The following ATP13A3 variants were observed in gnomAD, a reference collection of about 807,000 sequenced individuals.
The protein encoded by ATP13A3 is ATPase 13A3, also known as polyamine-transporting ATPase 13A3.
A neutral mutation model predicts 158.1 loss-of-function variants in ATP13A3; 59 were observed. That is an observed-to-expected ratio of 0.37 (90% CI 0.30 to 0.46). The LOEUF (loss-of-function observed/expected upper bound fraction) is 0.46, where lower values mean the gene tolerates loss of function less well. ATP13A3 is among the 20% of genes least tolerant of loss of function. The pLI, the probability that ATP13A3 is intolerant of heterozygous loss-of-function variation, is 1.00. For synonymous variants in ATP13A3, 491 were observed against 504.3 expected (o/e 0.97, Z 0.35); for missense variants, 1,166 against 1,525.2 (o/e 0.76, Z 3.92).
chr3:194,415,900 G>T (rs1274456754), intron 31 of ATP13A3, among the ~76,000 whole-genome samples: 9 of 151,974 alleles, frequency 5.9e-5, no homozygotes, highest in Non-Finnish European at 1.3e-4. Context: ...CACAAACTTT[G>T]TAAGTTTAAG....
intron 3 of ATP13A3, 82 bp downstream of exon 3, chr3:194,462,058 T>A: frequency 7.2e-7 from 1 of 1,383,172 alleles, no homozygotes; most frequent in Non-Finnish European, 1.0e-6. Flanking sequence ...CTGTTGTTAA[T>A]TGCATTTTTC....
intron 2 of ATP13A3, among the ~76,000 whole-genome samples, chr3:194,474,807 C>G (rs1720453498): frequency 6.6e-6 from 1 of 152,190 alleles, no homozygotes; most frequent in South Asian, 2.1e-4. Flanking sequence ...TACAACCTTA[C>G]AGCTGCTGCC....
At position 194,419,971 on chromosome 3, in the gene ATP13A3, G is replaced by A. The variant is rs568067775; in HGVS notation, c.3314-4C>T. The A allele has an allele frequency of 1.3e-6, 2 of 1,519,978 alleles. No individual in the cohort carries two copies. Among genetic ancestry groups the A allele is most frequent in the Non-Finnish European group, 1.7e-6 (2 of 1,144,636 alleles). The allele number at this position is 1,519,978 out of a possible 1,614,324, so 94.2% of individuals were successfully genotyped here. A position where few individuals can be genotyped will look rare whatever the true frequency, so the allele number is the denominator to read the frequency against. Reference sequence around the variant, plus strand: ...ATCACAGAAAAAACAAAAAAATCTGGAAAAGACAGCAAAAGTAAAACAAGT... The same window carrying A: ...ATCACAGAAAAAACAAAAAAATCTGAAAAAGACAGCAAAAGTAAAACAAGT... On this transcript the variant is annotated splice_polypyrimidine_tract_variant and splice_region_variant and intron_variant, in intron 30 of 33. Coordinates refer to ENST00000645319, the MANE Select transcript of ATP13A3 (RefSeq NM_001367549.1).
rs1011914763 is a variant in ATP13A3 at position 194,403,024 on chromosome 3, C to T, written c.*2895G>A. ...TTTGTTAAAAGTTCCCAACCACCTC[C>T]CACCATAAATATACAAAAACCTATT... On this transcript the variant is annotated 3_prime_UTR_variant, in exon 34 of 34. Transcript: ENST00000645319. 1 of 152,132 alleles carries T rather than the reference C, an allele frequency of 6.6e-6. No homozygotes were observed. The highest frequency in any genetic ancestry group is 2.4e-5 in the African/African-American group (1 of 41,414). The allele number at this position is 152,132 out of a possible 1,614,324, so 9.4% of individuals were successfully genotyped here. A position where few individuals can be genotyped will look rare whatever the true frequency, so the allele number is the denominator to read the frequency against.
At chr3:194,482,874 G>T (rs935675786) in intron 2 of ATP13A3, among the ~76,000 whole-genome samples, 1 of 152,126 alleles carries the variant, frequency 6.6e-6, no homozygotes, top group Non-Finnish European at 1.5e-5. Context: ...CTGGAAGGCC[G>T]AGGCAGGCGG....
Position 194,494,313 on chromosome 3 carries a change from T to G in ATP13A3, n.516-33A>C, listed in dbSNP as rs1721180655. On this transcript the variant is annotated intron_variant and non_coding_transcript_variant, in intron 1 of 32. Transcript: ENST00000687055. This position sits in a 1 kb window ranked among gnomAD's most constrained non-coding sequence, Gnocchi z 4.2. Reference sequence around the variant, plus strand: ...AGTGGAGAACAAGTTAACATTGATTTTCACAACCACGATGTCAGACTAGCA... The same window carrying G: ...AGTGGAGAACAAGTTAACATTGATTGTCACAACCACGATGTCAGACTAGCA... 2.5e-6 allele frequency: 1 copy of G among 398,490 alleles called. No individual in the cohort carries two copies. Among genetic ancestry groups the G allele is most frequent in the Non-Finnish European group, 4.4e-6 (1 of 226,004 alleles). The allele number at this position is 398,490 out of a possible 1,614,324, so 24.7% of individuals were successfully genotyped here.
At chr3:194,475,691 C>G (rs569337934) in intron 2 of ATP13A3, among the ~76,000 whole-genome samples, 1 of 152,120 alleles carries the variant, frequency 6.6e-6, no homozygotes, top group African/African-American at 2.4e-5. Context: ...GTCCTGTATG[C>G]CACTATCCAG....
chr3:194,437,551 CT>C lies in ATP13A3; in HGVS notation c.1845+4del. On this transcript the variant is annotated splice_donor_region_variant and intron_variant, in intron 18 of 33. Transcript: ENST00000645319. ...CTTAGTAAGAAGTAAACATTCTTCA[CT>C]TACTGGAAGTTCAAACAGCTCCTAA... 1 of 1,610,022 alleles carries C rather than the reference CT, an allele frequency of 6.2e-7. No homozygotes were observed. Among genetic ancestry groups the C allele is most frequent in the South Asian group, 1.1e-5 (1 of 90,568 alleles).
intron 24 of ATP13A3, 77 bp from the exon 25 acceptor site, chr3:194,430,392 T>C (rs1349596790): frequency 6.9e-7 from 1 of 1,447,416 alleles, no homozygotes; most frequent in African/African-American, 1.4e-5. Context: ...GACTTTTCTA[T>C]TACAGTATTA....
chr3:194,481,753 A>T (rs1243730237), intron 2 of ATP13A3, among the ~76,000 whole-genome samples: 1 of 152,192 alleles, frequency 6.6e-6, no homozygotes, highest in African/African-American at 2.4e-5. Flanking sequence ...AGACCACATA[A>T]TTAGGAAATT....
At chr3:194,436,834 G>C (rs1717676190) in intron 20 of ATP13A3, among the ~76,000 whole-genome samples, 1 of 152,242 alleles carries the variant, frequency 6.6e-6, no homozygotes, top group Admixed American at 6.5e-5. Context: ...GGGAGGCGGA[G>C]GTTGCAGTGA....
At position 194,448,288 on chromosome 3, in the gene ATP13A3, C is replaced by A. The variant is rs766589196; in HGVS notation, c.1150+169G>T. ...AGAGACGGGGTTTCACCATGTTAGC[C>A]AGGATGGTCTCAATCTCCTGACCTC... On this transcript the variant is annotated intron_variant, in intron 12 of 33. Transcript: ENST00000645319. This position sits in a 1 kb window ranked among gnomAD's most constrained non-coding sequence, Gnocchi z 4.0. Among the ~76,000 whole-genome samples the A allele has an allele frequency of 1.5e-4, 23 of 152,156 alleles. No individual in the cohort carries two copies. Among genetic ancestry groups the A allele is most frequent in the Non-Finnish European group, 3.2e-4 (22 of 68,032 alleles).
chr3:194,437,238 T>A (rs1257579348), intron 19 of ATP13A3, 23 bp from the exon 20 acceptor site: 1 of 1,613,902 alleles, frequency 6.2e-7, no homozygotes, highest in Non-Finnish European at 8.5e-7. Context: ...AAGAGTAAAT[T>A]TCATTGTTAG....
In ATP13A3 at chr3:194,437,082, C is replaced by T. The variant is rs751191219; in HGVS notation, c.2120+13G>A. On this transcript the variant is annotated intron_variant, in intron 20 of 33. Transcript: ENST00000645319. ...ATGATGACTGGGAAACTAGGAAAGC[C>T]GTTCAACCTCACCTGCTAATATTCT... The T allele has an allele frequency of 5.6e-6, 9 of 1,611,704 alleles. No homozygotes were observed. The highest frequency in any genetic ancestry group is 1.7e-5 in the Admixed American group (1 of 59,450).
At chr3:194,486,020 G>A (rs1244788290) in intron 1 of ATP13A3, among the ~76,000 whole-genome samples, 185 bp from the exon 2 acceptor site, 3 of 152,142 alleles carry the variant, frequency 2.0e-5, no homozygotes, top group African/African-American at 4.8e-5. Context: ...TGGAGAGACA[G>A]AAAGGCCATA....
At chr3:194,433,171 G>A (rs1023854923) in intron 21 of ATP13A3, among the ~76,000 whole-genome samples, 4 of 147,184 alleles carry the variant, frequency 2.7e-5, no homozygotes, top group Non-Finnish European at 4.5e-5. Flanking sequence ...AGAAATATAC[G>A]AATAAAGAGA....
At chr3:194,476,314 C>T (rs1720520555) in intron 2 of ATP13A3, among the ~76,000 whole-genome samples, 1 of 152,130 alleles carries the variant, frequency 6.6e-6, no homozygotes, top group Non-Finnish European at 1.5e-5. Context: ...ACTACCAATT[C>T]ACATTTTCAG....
intron 2 of ATP13A3, among the ~76,000 whole-genome samples, chr3:194,468,690 AT>A (rs1720146828): frequency 6.6e-6 from 1 of 152,154 alleles, no homozygotes; most frequent in African/African-American, 2.4e-5. Flanking sequence ...AGAGTGTTGA[AT>A]TTTTTTAAGG....
chr3:194,467,315 CAT>C (rs1391186375), intron 2 of ATP13A3, among the ~76,000 whole-genome samples: 12 of 152,306 alleles, frequency 7.9e-5, no homozygotes, highest in Admixed American at 5.2e-4. Context: ...AGTTAGACCA[CAT>C]AAAGAACTCT....
Sources: gnomAD v4.1 joint callset for allele counts (sites outside exome capture counted in the v4.1 genomes callset) on GRCh38, gnomAD v4.1.1 for gene constraint, Gnocchi (gnomAD v3.1) non-coding constraint, MANE v1.5 for transcripts, NCBI Gene and HGNC (gene_info 2026-07-23, HGNC 2026-07-21) for gene names.